The following CEP83 variants were observed in gnomAD, a reference collection of about 807,000 sequenced individuals.
CEP83 encodes centrosomal protein of 83 kDa.
CEP83 carries 70 observed loss-of-function variants against 101.9 expected under a neutral mutation model. That is an observed-to-expected ratio of 0.69 (90% CI 0.57 to 0.84). The LOEUF is 0.84. Ranked by LOEUF, CEP83 falls within the 40% of genes least tolerant of loss-of-function variation. CEP83 has a pLI of 0.00. For missense variants in CEP83, 715 were observed against 787.2 expected, an observed-to-expected ratio of 0.91 and a Z score of 1.10; for synonymous variants, 264 against 267.9, an observed-to-expected ratio of 0.99 and a Z score of 0.14.
intron 2 of CEP83, among the ~76,000 whole-genome samples, chr12:94,427,467 C>T (rs916165527): frequency 6.6e-6 from 1 of 152,186 alleles, no homozygotes; most frequent in Non-Finnish European, 1.5e-5. Flanking sequence ...TAATCACATC[C>T]ACGTGTCCTT....
intron 1 of CEP83, among the ~76,000 whole-genome samples, chr12:94,457,086 C>A (rs184909832): frequency 6.6e-6 from 1 of 151,714 alleles, no homozygotes; most frequent in Admixed American, 6.6e-5. Context: ...GATCAGGTCA[C>A]GGGGGATAGA....
chr12:94,275,030 C>G, the CEP83 span, among the ~76,000 whole-genome samples: 2 of 152,172 alleles, frequency 1.3e-5, no homozygotes, highest in African/African-American at 4.8e-5. Context: ...TTTTAAGGCT[C>G]AGCGAAGTTA....
At chr12:94,381,865 G>A (rs958336116) in intron 6 of CEP83, among the ~76,000 whole-genome samples, 5 of 151,976 alleles carry the variant, frequency 3.3e-5, no homozygotes, top group African/African-American at 1.2e-4. Flanking sequence ...GATTAATATA[G>A]CGGGATCCTG....
At chr12:94,296,581 C>T in the CEP83 span, among the ~76,000 whole-genome samples, 1 of 152,292 alleles carries the variant, frequency 6.6e-6, no homozygotes, top group East Asian at 1.9e-4. Flanking sequence ...CTGTGAGCAC[C>T]ACCTCATTGT....
At chr12:94,425,823 T>C (rs767765381) in intron 2 of CEP83, among the ~76,000 whole-genome samples, 1 of 152,144 alleles carries the variant, frequency 6.6e-6, no homozygotes, top group Non-Finnish European at 1.5e-5. Flanking sequence ...CTAATGTGTA[T>C]ATAAGAAATG....
intron 4 of CEP83, among the ~76,000 whole-genome samples, chr12:94,404,475 G>A (rs1269190805): frequency 1.3e-5 from 2 of 152,098 alleles, no homozygotes; most frequent in Non-Finnish European, 2.9e-5. Context: ...CATTTTGAAT[G>A]GGACCACATT....
At chr12:94,412,196 AG>A in intron 3 of CEP83, 121 bp downstream of exon 3, 1 of 722,344 alleles carries the variant, frequency 1.4e-6, no homozygotes, top group Non-Finnish European at 2.1e-6. Flanking sequence ...ATATTAAAAA[AG>A]TTTTAAATGT....
intron 14 of CEP83, among the ~76,000 whole-genome samples, chr12:94,316,372 G>A (rs1970686720): frequency 6.7e-6 from 1 of 149,230 alleles, no homozygotes; most frequent in South Asian, 2.1e-4. Context: ...AGTTTGATAG[G>A]TTTGACTTTT....
Position 94,440,713 on chromosome 12 carries a change from A to G in CEP83, c.-154-5386T>C, listed in dbSNP as rs566286876. Among the ~76,000 whole-genome samples the G allele has an allele frequency of 2.6e-5, 4 of 152,078 alleles. No individual in the cohort carries two copies. The East Asian group carries it at 7.7e-4, about 29-fold the overall frequency. On this transcript the variant is annotated intron_variant, in intron 1 of 16. Transcript: ENST00000397809. ...TCCTAAAATTCATATGAAACCAAAA[A>G]AGGGCCTGCAAAGCAATACTAAGCA...
chr12:94,307,064 A>G (rs1427567270), downstream of CEP83: 1 of 152,202 alleles, frequency 6.6e-6, no homozygotes, highest in African/African-American at 2.4e-5. Flanking sequence ...ACTTTAGGGT[A>G]CTGAAAACTC....
chr12:94,335,804 G>C (rs1387891358), intron 11 of CEP83, 140 bp from the exon 12 acceptor site: 1 of 635,966 alleles, frequency 1.6e-6, no homozygotes, highest in African/African-American at 1.9e-5. Flanking sequence ...CAAGAAACTA[G>C]GTTGTGTTCA....
the CEP83 span, among the ~76,000 whole-genome samples, chr12:94,287,269 C>T: frequency 1.3e-5 from 2 of 152,190 alleles, no homozygotes; most frequent in Non-Finnish European, 1.5e-5. Flanking sequence ...CCTCCCGGTG[C>T]GCTTCCTTAA....
intron 1 of CEP83, among the ~76,000 whole-genome samples, chr12:94,450,665 A>G (rs2067185185): frequency 6.6e-6 from 1 of 152,228 alleles, no homozygotes; most frequent in Non-Finnish European, 1.5e-5. Context: ...AAATAAGTGC[A>G]CGATTTGTAC....
At chr12:94,304,161 G>A (rs1444755744), downstream of CEP83, 1 of 678,954 alleles carries the variant, frequency 1.5e-6, no homozygotes, top group African/African-American at 1.8e-5. Flanking sequence ...GCCAGAAAGG[G>A]AAGCCAGGAA....
chr12:94,331,608 G>T, intron 14 of CEP83, 92 bp downstream of exon 14: 2 of 1,068,638 alleles, frequency 1.9e-6, no homozygotes, highest in Non-Finnish European at 2.8e-6. Context: ...TCCTGACCTC[G>T]TGATCCACCT....
chr12:94,305,149 A>G, downstream of CEP83: 1 of 1,410,726 alleles, frequency 7.1e-7, no homozygotes. Context: ...TAAAACCACA[A>G]TATCTAAAAT....
intron 11 of CEP83, among the ~76,000 whole-genome samples, chr12:94,359,234 A>G (rs1459655908): frequency 6.6e-6 from 1 of 152,160 alleles, no homozygotes; most frequent in African/African-American, 2.4e-5. Flanking sequence ...TCACACTTCT[A>G]TATTTCTGTG....
chr12:94,438,516 C>A (rs2066165660), intron 1 of CEP83, among the ~76,000 whole-genome samples: 1 of 152,106 alleles, frequency 6.6e-6, no homozygotes, highest in Non-Finnish European at 1.5e-5. Flanking sequence ...AAAACATATG[C>A]ACCTAACACT....
chr12:94,313,079 T>C (rs1050034678), intron 14 of CEP83, 62 bp from the exon 15 acceptor site: 9 of 719,012 alleles, frequency 1.3e-5, no homozygotes, highest in East Asian at 5.8e-5. Context: ...CAAAACTATA[T>C]AGAAAATATT....
Sources: allele counts gnomAD v4.1 joint callset (sites outside exome capture counted in the v4.1 genomes callset), GRCh38; gene constraint gnomAD v4.1.1; transcripts MANE v1.5; gene names NCBI Gene and HGNC (gene_info 2026-07-23, HGNC 2026-07-21).